Variants in TMOD1 observed in about 807,000 individuals in gnomAD.
TMOD1 encodes tropomodulin 1, also known as tropomodulin-1.
Under a neutral mutation model 40.6 loss-of-function variants are expected in TMOD1, and 17 were observed. The ratio of observed to expected loss-of-function variants is 0.42; its 90% CI spans 0.29 to 0.63. The LOEUF is 0.63. Among genes scored for constraint, TMOD1 ranks in the 20% least tolerant of loss-of-function variants. The pLI, the probability that TMOD1 is intolerant of heterozygous loss-of-function variation, is 0.22. For synonymous variants in TMOD1, 181 were observed against 175.0 expected, an observed-to-expected ratio of 1.03 and a Z score of -0.27; for missense variants, 391 against 447.6, an observed-to-expected ratio of 0.87 and a Z score of 1.14.
chr9:97,571,907 C>T (rs1365457577), intron 8 of TMOD1, among the ~76,000 whole-genome samples: 2 of 152,220 alleles, frequency 1.3e-5, no homozygotes, highest in Non-Finnish European at 2.9e-5. Context: ...TTGATGAATG[C>T]TGGCTGCTTG....
chr9:97,597,657 C>T (rs1443030478), intron 9 of TMOD1, among the ~76,000 whole-genome samples: 2 of 135,998 alleles, frequency 1.5e-5, no homozygotes, highest in Admixed American at 8.1e-5. Context: ...AAGATCGGGC[C>T]ACTGCACTCC....
chr9:97,513,307 C>T lies in TMOD1; in HGVS notation c.-48-10834C>T, dbSNP rs536460376. On this transcript the variant is annotated intron_variant, in intron 1 of 9. Transcript: ENST00000259365. The surrounding 1 kb of genome is among the most constrained non-coding windows in gnomAD (Gnocchi z 4.1). ...GTACCCCTTGGGAGAACATTCAGTCCGTGTCCTGCTCTCACTTTGCAGAAG... is the reference window on the plus strand; with the variant it reads ...GTACCCCTTGGGAGAACATTCAGTCTGTGTCCTGCTCTCACTTTGCAGAAG... 21 of 152,294 alleles carry T rather than the reference C, an allele frequency of 1.4e-4. No homozygotes were observed. The highest frequency in any genetic ancestry group is 2.6e-4 in the Non-Finnish European group (18 of 68,106). The allele number at this position is 152,294 out of a possible 1,614,324, so 9.4% of individuals were successfully genotyped here.
chr9:97,558,378 T>C (rs1347582218), intron 4 of TMOD1, among the ~76,000 whole-genome samples: 1 of 152,172 alleles, frequency 6.6e-6, no homozygotes, highest in African/African-American at 2.4e-5. Flanking sequence ...ATTTCCCTCT[T>C]GAGCTTGCTG....
At chr9:97,533,263 G>C (rs1830129959) in intron 2 of TMOD1, among the ~76,000 whole-genome samples, 1 of 152,198 alleles carries the variant, frequency 6.6e-6, no homozygotes, top group Admixed American at 6.5e-5. Context: ...ATAAAAAATA[G>C]ACACATACAC....
At chr9:97,533,795 G>A (rs556209867) in intron 2 of TMOD1, among the ~76,000 whole-genome samples, 1 of 152,312 alleles carries the variant, frequency 6.6e-6, no homozygotes, top group South Asian at 2.1e-4. Flanking sequence ...TATCAGGTAG[G>A]GTGCAGCTTC....
chr9:97,601,571 T>C lies in TMOD1; in HGVS notation c.*1873T>C. The C allele has an allele frequency of 1.0e-6, 1 of 987,294 alleles. No homozygotes were observed. The allele number at this position is 987,294 out of a possible 1,614,324, so 61.2% of individuals were successfully genotyped here. A position where few individuals can be genotyped will look rare whatever the true frequency, so the allele number is the denominator to read the frequency against. On this transcript the variant is annotated 3_prime_UTR_variant, in exon 10 of 10. Coordinates refer to ENST00000259365, the MANE Select transcript of TMOD1 (RefSeq NM_003275.4). ...TAAGGCCACCTCTGCCTCTATCAGA[T>C]GAGCTGCTGGTCTAGATCAGGGGCT...
chr9:97,510,866 G>T (rs1047100790), intron 1 of TMOD1, among the ~76,000 whole-genome samples: 2 of 152,156 alleles, frequency 1.3e-5, no homozygotes, highest in Non-Finnish European at 2.9e-5. Context: ...GGAGAGCTAA[G>T]TGTGGCCTGA....
At chr9:97,546,071 C>A in intron 2 of TMOD1, 114 bp from the exon 3 acceptor site, 1 of 1,253,320 alleles carries the variant, frequency 8.0e-7, no homozygotes. Context: ...GCTCTGAGGT[C>A]CCTTCTGTTC....
intron 1 of TMOD1, among the ~76,000 whole-genome samples, chr9:97,512,408 C>G (rs1044070338): frequency 6.6e-6 from 1 of 152,160 alleles, no homozygotes; most frequent in African/African-American, 2.4e-5. Context: ...CAATTCCACT[C>G]CTGGGTACAC....
Position 97,536,067 on chromosome 9 carries a change from C to A in TMOD1, c.121-10118C>A, listed in dbSNP as rs1830179151. ...GGCTCACCCCGCTGCCCCTGCCACA[C>A]TCTCAGGCTAAAGTATGTGAGAAGA... On this transcript the variant is annotated intron_variant, in intron 2 of 9. Coordinates refer to ENST00000259365, the MANE Select transcript of TMOD1 (RefSeq NM_003275.4). Among the ~76,000 whole-genome samples, 2 of 152,230 alleles carry A rather than the reference C, an allele frequency of 1.3e-5. 1 individual carries two copies. Among genetic ancestry groups the A allele is most frequent in the South Asian group, 4.1e-4 (2 of 4,834 alleles).
At chr9:97,527,572 G>T (rs1830036318) in intron 2 of TMOD1, among the ~76,000 whole-genome samples, 1 of 151,844 alleles carries the variant, frequency 6.6e-6, no homozygotes, top group Non-Finnish European at 1.5e-5. Flanking sequence ...AAGGAATTGG[G>T]GATGGGAATC....
chr9:97,515,323 A>G (rs1470851361), intron 1 of TMOD1, among the ~76,000 whole-genome samples: 1 of 152,032 alleles, frequency 6.6e-6, no homozygotes, highest in African/African-American at 2.4e-5. Flanking sequence ...TCTGTTATCC[A>G]GGCTGGAGTG....
chr9:97,545,613 C>T (rs1462226808), intron 2 of TMOD1, among the ~76,000 whole-genome samples: 5 of 152,156 alleles, frequency 3.3e-5, no homozygotes, highest in South Asian at 4.1e-4. Context: ...GAGCATGCCC[C>T]GTCCTCCTCT....
chr9:97,555,324 T>G, intron 4 of TMOD1: 1 of 1,160,968 alleles, frequency 8.6e-7, no homozygotes, highest in East Asian at 5.8e-5. Flanking sequence ...CCACATGGAC[T>G]GGGGCTGTTT....
intron 8 of TMOD1, among the ~76,000 whole-genome samples, chr9:97,590,357 G>C (rs1244441052): frequency 1.3e-5 from 2 of 151,964 alleles, no homozygotes; most frequent in Non-Finnish European, 2.9e-5. Context: ...CCAAGTAGCT[G>C]GGACTACAGG....
chr9:97,509,291 A>G (rs1194763914), intron 1 of TMOD1, among the ~76,000 whole-genome samples: 1 of 152,232 alleles, frequency 6.6e-6, no homozygotes, highest in Admixed American at 6.5e-5. Flanking sequence ...ACTGCAAGAA[A>G]TAATCCATGT....
intron 8 of TMOD1, among the ~76,000 whole-genome samples, chr9:97,569,877 C>G (rs988230518): frequency 6.6e-6 from 1 of 152,176 alleles, no homozygotes; most frequent in African/African-American, 2.4e-5. Flanking sequence ...CTCTAAAACT[C>G]ACACTTATTC....
chr9:97,601,085 C>T lies in TMOD1; in HGVS notation c.*1387C>T, dbSNP rs757888514. ...AGTACAGGGTAACTGGAGGCGGGGC[C>T]AGGGCCTCAGCGCTATGGAAGAGTG... On this transcript the variant is annotated 3_prime_UTR_variant, in exon 10 of 10. Transcript: ENST00000259365. 7.7e-7 allele frequency: 1 copy of T among 1,304,276 alleles called. No individual in the cohort carries two copies. Among genetic ancestry groups the T allele is most frequent in the Non-Finnish European group, 1.0e-6 (1 of 988,956 alleles). The allele number at this position is 1,304,276 out of a possible 1,614,324, so 80.8% of individuals were successfully genotyped here. A position where few individuals can be genotyped will look rare whatever the true frequency, so the allele number is the denominator to read the frequency against.
At chr9:97,551,394 A>G (rs1158078960) in intron 3 of TMOD1, among the ~76,000 whole-genome samples, 1 of 152,184 alleles carries the variant, frequency 6.6e-6, no homozygotes, top group African/African-American at 2.4e-5. Context: ...GGTGTGAAAT[A>G]GGGGTCCAAC....
Sources: gnomAD v4.1 joint callset for allele counts (sites outside exome capture counted in the v4.1 genomes callset) on GRCh38, gnomAD v4.1.1 for gene constraint, Gnocchi (gnomAD v3.1) non-coding constraint, MANE v1.5 for transcripts, NCBI Gene and HGNC (gene_info 2026-07-23, HGNC 2026-07-21) for gene names.